The following KDELR3 variants were observed in gnomAD, a reference collection of about 807,000 sequenced individuals.
KDELR3 encodes the protein ER lumen protein-retaining receptor 3.
Under a neutral mutation model 22.7 loss-of-function variants are expected in KDELR3, and 26 were observed. The ratio of observed to expected loss-of-function variants is 1.15; its 90% CI spans 0.84 to 1.59. The LOEUF (loss-of-function observed/expected upper bound fraction) is 1.59. Ranked by LOEUF, KDELR3 falls within the 40% of genes most tolerant of loss-of-function variation. The pLI is 0.00. For synonymous variants in KDELR3, 120 were observed against 98.2 expected, an observed-to-expected ratio of 1.22 and a Z score of -1.31; for missense variants, 289 against 251.1, an observed-to-expected ratio of 1.15 and a Z score of -1.02.
At chr22:38,469,786 G>A (rs546392721) in intron 1 of KDELR3, among the ~76,000 whole-genome samples, 5 of 152,304 alleles carry the variant, frequency 3.3e-5, no homozygotes, top group Non-Finnish European at 7.4e-5. Flanking sequence ...GACAGCAGAG[G>A]CCCAGCCCTG....
intron 4 of KDELR3, 83 bp from the exon 5 acceptor site, chr22:38,482,413 A>G (rs2089610168): frequency 2.6e-6 from 3 of 1,138,848 alleles, no homozygotes; most frequent in East Asian, 4.7e-5. Flanking sequence ...CCATTAAGAG[A>G]TGATACCAAG....
Position 38,481,438 on chromosome 22 carries a change from ACTT to A in KDELR3, c.584_586del (p.Phe195del), listed in dbSNP as rs756771962. 37 of 1,613,994 alleles carry A rather than the reference ACTT, an allele frequency of 2.3e-5. No individual in the cohort carries two copies. The highest frequency in any genetic ancestry group is 2.6e-5 in the Non-Finnish European group (31 of 1,180,020). On this transcript the variant is annotated inframe_deletion, in exon 4 of 5. Transcript: ENST00000216014. ...GTAGTACAAACCATCTTCTACTGTGACTTCTTCTACTTGTATGTGACCAAAGGT... is the reference window on the plus strand; with the variant it reads ...GTAGTACAAACCATCTTCTACTGTGACTTCTACTTGTATGTGACCAAAGGT...
At position 38,482,633 on chromosome 22, in the gene KDELR3, T is replaced by C; in HGVS notation, c.*97T>C. 8.7e-7 allele frequency: 1 copy of C among 1,144,504 alleles called. No homozygotes were observed. The highest frequency in any genetic ancestry group is 1.3e-5 in the South Asian group (1 of 77,742). The allele number at this position is 1,144,504 out of a possible 1,614,324, so 70.9% of individuals were successfully genotyped here. On this transcript the variant is annotated 3_prime_UTR_variant, in exon 5 of 5. Transcript: ENST00000216014. ...TTATCCATAATTTGGGATCAAATGTTAAAACCAGAAAAGTGTTTAGTGTGG... is the reference window on the plus strand; with the variant it reads ...TTATCCATAATTTGGGATCAAATGTCAAAACCAGAAAAGTGTTTAGTGTGG...
At chr22:38,474,749 A>G in intron 2 of KDELR3, 126 bp downstream of exon 2, 1 of 710,584 alleles carries the variant, frequency 1.4e-6, no homozygotes, top group Non-Finnish European at 2.5e-6. Context: ...TTTGCTGCTT[A>G]GTGGCTGCAA....
intron 3 of KDELR3, among the ~76,000 whole-genome samples, chr22:38,480,401 C>G (rs1410762632): frequency 3.3e-5 from 5 of 152,110 alleles, no homozygotes; most frequent in Non-Finnish European, 7.4e-5. Context: ...ACCTCGGCCT[C>G]CCAAAGTTCT....
rs765165940 is a variant in KDELR3 at position 38,481,227 on chromosome 22, T to TAG, written c.367_368insAG (p.Ser123Ter). ...FTLLEILWTF[S>*]IYLESVAILP... ...TTTGGCTCAGATCCTCTGGACTTTCTCTATCTATCTGGAATCAGTGGCTAT... is the reference window on the plus strand; with the variant it reads ...TTTGGCTCAGATCCTCTGGACTTTCTAGCTATCTATCTGGAATCAGTGGCTAT... Residue 123 changes from serine (S) to a stop codon, truncating the protein, a stop_gained and frameshift_variant, in exon 4 of 5, where the codon TCT becomes TAGCT. Transcript: ENST00000216014. LOFTEE classifies it high-confidence loss of function. The TAG allele has an allele frequency of 1.2e-5, 19 of 1,613,074 alleles. No individual in the cohort carries two copies. Among genetic ancestry groups the TAG allele is most frequent in the Admixed American group, 1.7e-5 (1 of 59,792 alleles).
chr22:38,472,406 G>A (rs2089530741), intron 1 of KDELR3, among the ~76,000 whole-genome samples: 1 of 152,080 alleles, frequency 6.6e-6, no homozygotes, highest in African/African-American at 2.4e-5. Flanking sequence ...GAACCCGGGA[G>A]GCAGACGTTG....
At chr22:38,477,797 C>T (rs1197728810) in intron 2 of KDELR3, among the ~76,000 whole-genome samples, 1 of 152,172 alleles carries the variant, frequency 6.6e-6, no homozygotes, top group Non-Finnish European at 1.5e-5. Flanking sequence ...CAAACATCAC[C>T]TGCTAGTTCA....
Position 38,481,375 on chromosome 22 carries a change from C to CT in KDELR3, c.516dup (p.Glu173Ter). The CT allele has an allele frequency of 1.2e-6, 2 of 1,614,182 alleles. No homozygotes were observed. Among genetic ancestry groups the CT allele is most frequent in the Non-Finnish European group, 8.5e-7 (1 of 1,180,026 alleles). On this transcript the variant is annotated frameshift_variant, in exon 4 of 5. Transcript: ENST00000216014. LOFTEE classifies it high-confidence loss of function. Reference sequence around the variant, plus strand: ...GCTAACTGGATCAGGCGGTACCAGACTGAGAATTTCTATGACCAAATTGCA... The same window carrying CT: ...GCTAACTGGATCAGGCGGTACCAGACTTGAGAATTTCTATGACCAAATTGCA...
intron 2 of KDELR3, among the ~76,000 whole-genome samples, chr22:38,478,743 A>C (rs189090339): frequency 0.03 from 4,046 of 135,608 alleles, 82 homozygotes; most frequent in South Asian, 0.065. Flanking sequence ...CCCGGGTTCA[A>C]GCGATTCTCC....
chr22:38,480,862 T>C (rs906319797), intron 3 of KDELR3, among the ~76,000 whole-genome samples: 2 of 152,004 alleles, frequency 1.3e-5, no homozygotes, highest in African/African-American at 2.4e-5. Flanking sequence ...GCCCAGGAGT[T>C]TGAGACTGCA....
chr22:38,481,776 A>G, intron 4 of KDELR3: 1 of 680,304 alleles, frequency 1.5e-6, no homozygotes, highest in South Asian at 2.1e-5. Flanking sequence ...ATGGACAAAA[A>G]GCCTAGTGGG....
chr22:38,470,463 C>T (rs917298440), intron 1 of KDELR3, among the ~76,000 whole-genome samples: 7 of 152,098 alleles, frequency 4.6e-5, no homozygotes, highest in African/African-American at 1.4e-4. Context: ...GCAAATGACA[C>T]GGTTTGTTGG....
At chr22:38,480,539 A>T (rs1369078585) in intron 3 of KDELR3, among the ~76,000 whole-genome samples, 2 of 151,978 alleles carry the variant, frequency 1.3e-5, no homozygotes, top group African/African-American at 4.8e-5. Context: ...TGAGGTCAGG[A>T]GATCGAGACC....
intron 2 of KDELR3, among the ~76,000 whole-genome samples, chr22:38,474,943 G>A (rs1025886317): frequency 4.6e-5 from 7 of 151,744 alleles, no homozygotes; most frequent in Admixed American, 3.3e-4. Context: ...AGCCGGGCGT[G>A]GTGGCTCATG....
Position 38,483,310 on chromosome 22 carries a change from T to C in KDELR3, c.*774T>C, listed in dbSNP as rs2089619578. 1 of 152,234 alleles carries C rather than the reference T, an allele frequency of 6.6e-6. No individual in the cohort carries two copies. The highest frequency in any genetic ancestry group is 6.5e-5 in the Admixed American group (1 of 15,276). 9.4% of individuals were successfully genotyped at this position (152,234 alleles called of 1,614,324 possible). On this transcript the variant is annotated 3_prime_UTR_variant, in exon 5 of 5. Transcript: ENST00000216014. ...AATTCCAATTCTTGTATTAAGTTTT[T>C]TCCTTTCAGTTTTAGGTGCGAAAGT...
At chr22:38,475,559 T>C (rs1454990985) in intron 2 of KDELR3, among the ~76,000 whole-genome samples, 2 of 152,174 alleles carry the variant, frequency 1.3e-5, no homozygotes, top group Non-Finnish European at 2.9e-5. Flanking sequence ...TTCAAAGAGA[T>C]GACATGTAAG....
intron 1 of KDELR3, 73 bp downstream of exon 1, chr22:38,468,397 G>T: frequency 1.4e-6 from 2 of 1,381,156 alleles, no homozygotes; most frequent in Non-Finnish European, 1.0e-6. Context: ...GCAGGGCAGG[G>T]CGCTCCAGGT....
Position 38,468,189 on chromosome 22 carries a change from C to A in KDELR3, c.-45C>A. On this transcript the variant is annotated 5_prime_UTR_variant, in exon 1 of 5. Transcript: ENST00000216014. ...AGCCGCCCTGCCCGCCAGAAAGTTT[C>A]CTAGAAGTTTGCTGGGCGCGGGCGC... 1 of 1,584,176 alleles carries A rather than the reference C, an allele frequency of 6.3e-7. No homozygotes were observed. Among genetic ancestry groups the A allele is most frequent in the Non-Finnish European group, 8.7e-7 (1 of 1,154,094 alleles).
Sources: gnomAD v4.1 joint callset for allele counts (sites outside exome capture counted in the v4.1 genomes callset) on GRCh38, gnomAD v4.1.1 for gene constraint, MANE v1.5 for transcripts, NCBI Gene and HGNC (gene_info 2026-07-23, HGNC 2026-07-21) for gene names.